GDPD4: variants seen among roughly 807,000 people sequenced by gnomAD.
GDPD4 encodes glycerophosphodiester phosphodiesterase 6.
GDPD4 carries 60 observed loss-of-function variants against 67.8 expected under a neutral mutation model. The ratio of observed to expected loss-of-function variants is 0.88; its 90% CI spans 0.72 to 1.10. The LOEUF is 1.10. Among genes scored for constraint, GDPD4 ranks in the 50% least tolerant of loss-of-function variants. The pLI is 0.00. For missense variants in GDPD4, 623 were observed against 613.9 expected (o/e 1.01, Z -0.16); for synonymous variants, 212 against 210.9 (o/e 1.00, Z -0.04).
At position 77,243,892 on chromosome 11, in the gene GDPD4, C is replaced by A. The variant is rs75071001; in HGVS notation, c.1087-44G>T. The A allele has an allele frequency of 4.9e-3, 7,338 of 1,488,090 alleles. 300 individuals are homozygous for A. The African/African-American group carries it at 0.088, about 18-fold the overall frequency. 92.2% of individuals were successfully genotyped at this position (1,488,090 alleles called of 1,614,324 possible). A position where few individuals can be genotyped will look rare whatever the true frequency, so the allele number is the denominator to read the frequency against. On this transcript the variant is annotated intron_variant, in intron 12 of 16. Coordinates refer to ENST00000315938, the MANE Select transcript of GDPD4 (RefSeq NM_182833.3). ...AGTCCCTCAGTAGATAATCAGCTAT[C>A]CAGGTACGAACAGCCCCATAGAGAA...
At position 77,241,272 on chromosome 11, in the gene GDPD4, C is replaced by T. The variant is rs940972101; in HGVS notation, c.1241+2422G>A. Among the ~76,000 whole-genome samples the T allele has an allele frequency of 2.0e-5, 3 of 152,112 alleles. No individual in the cohort carries two copies. The East Asian group carries it at 5.8e-4, about 29-fold the overall frequency. Reference sequence around the variant, plus strand: ...CTTTAAAAAGAAGGAAATTCTGTCACTTGTGAAAACATGGTTGAGCATGGG... The same window carrying T: ...CTTTAAAAAGAAGGAAATTCTGTCATTTGTGAAAACATGGTTGAGCATGGG... On this transcript the variant is annotated intron_variant, in intron 13 of 16. Coordinates refer to ENST00000315938, the MANE Select transcript of GDPD4 (RefSeq NM_182833.3).
At chr11:77,255,684 C>T (rs1221325696) in intron 11 of GDPD4, among the ~76,000 whole-genome samples, 2 of 151,922 alleles carry the variant, frequency 1.3e-5, no homozygotes, top group East Asian at 3.9e-4. Context: ...TATGGTGAAA[C>T]CCCATCTCTA....
intron 14 of GDPD4, among the ~76,000 whole-genome samples, chr11:77,230,682 A>G (rs1271516158): frequency 2.0e-5 from 3 of 152,200 alleles, no homozygotes; most frequent in Non-Finnish European, 4.4e-5. Context: ...ATATTTTAAA[A>G]TAAAATTTGT....
At chr11:77,295,627 T>C (rs117352905) in intron 1 of GDPD4, among the ~76,000 whole-genome samples, 1 of 152,178 alleles carries the variant, frequency 6.6e-6, no homozygotes, top group East Asian at 1.9e-4. Flanking sequence ...TGAGACCTTG[T>C]CTCTAAATGA....
intron 11 of GDPD4, among the ~76,000 whole-genome samples, chr11:77,255,512 C>T (rs1052562674): frequency 1.3e-5 from 2 of 151,928 alleles, no homozygotes; most frequent in Non-Finnish European, 2.9e-5. Flanking sequence ...TTCAGTGTGC[C>T]GAGATCATGC....
intron 13 of GDPD4, among the ~76,000 whole-genome samples, chr11:77,240,661 C>T (rs1958645219): frequency 6.6e-6 from 1 of 151,958 alleles, no homozygotes; most frequent in East Asian, 1.9e-4. Context: ...AAAGTGTCTG[C>T]ACAGCAAAGG....
chr11:77,248,203 T>C (rs1958817636), intron 11 of GDPD4, among the ~76,000 whole-genome samples: 1 of 151,482 alleles, frequency 6.6e-6, no homozygotes, highest in Admixed American at 6.6e-5. Flanking sequence ...CAATTTTCTT[T>C]TCTTTTTTTT....
intron 16 of GDPD4, among the ~76,000 whole-genome samples, chr11:77,225,330 T>C (rs555395549): frequency 3.3e-5 from 5 of 149,260 alleles, no homozygotes; most frequent in South Asian, 4.2e-4. Context: ...CAGTAACCTA[T>C]GGGATAATAT....
At chr11:77,276,305 G>T in intron 4 of GDPD4, 85 bp from the exon 5 acceptor site, 1 of 991,744 alleles carries the variant, frequency 1.0e-6, no homozygotes. Flanking sequence ...TCCAAATTCC[G>T]TTCACAGTCT....
intron 14 of GDPD4, among the ~76,000 whole-genome samples, chr11:77,230,608 G>A (rs1053628669): frequency 6.6e-6 from 1 of 152,220 alleles, no homozygotes; most frequent in Non-Finnish European, 1.5e-5. Flanking sequence ...ATGTTTAAAT[G>A]AGAGAACATA....
intron 16 of GDPD4, 73 bp from the exon 17 acceptor site, chr11:77,217,387 AGTTATCTCTTAAAT>A: frequency 8.3e-7 from 1 of 1,210,348 alleles, no homozygotes; most frequent in Non-Finnish European, 1.2e-6. Context: ...GTGAAATTCA[AGTTATCTCTTAAAT>A]GTTAGCCACT....
intron 5 of GDPD4, 46 bp from the exon 6 acceptor site, chr11:77,271,439 G>T: frequency 1.7e-6 from 2 of 1,145,100 alleles, no homozygotes; most frequent in East Asian, 2.4e-5. Flanking sequence ...CACTAGGCTT[G>T]GATCAGAACT....
At chr11:77,220,698 A>G (rs1958209408) in intron 16 of GDPD4, among the ~76,000 whole-genome samples, 1 of 152,162 alleles carries the variant, frequency 6.6e-6, no homozygotes, top group Non-Finnish European at 1.5e-5. Context: ...AGGCTTTGGT[A>G]TCAGGATGAT....
intron 1 of GDPD4, among the ~76,000 whole-genome samples, chr11:77,291,262 T>C (rs1937762892): frequency 2.6e-5 from 4 of 152,148 alleles, no homozygotes. Flanking sequence ...GTGAAATAAG[T>C]CAGGCACAAA....
chr11:77,225,241 C>T (rs1483810022), intron 16 of GDPD4, among the ~76,000 whole-genome samples: 2 of 150,794 alleles, frequency 1.3e-5, no homozygotes, highest in East Asian at 3.9e-4. Context: ...GTGGAGGCTG[C>T]AGTGAGCTGA....
At chr11:77,239,918 T>C (rs1185346541) in intron 13 of GDPD4, among the ~76,000 whole-genome samples, 3 of 149,750 alleles carry the variant, frequency 2.0e-5, no homozygotes, top group African/African-American at 7.4e-5. Flanking sequence ...GCAGAGATTG[T>C]GCCACTGCAC....
Position 77,295,463 on chromosome 11 carries a change from C to T in GDPD4, c.-254+6142G>A, listed in dbSNP as rs535616945. Among the ~76,000 whole-genome samples, 90 of 151,962 alleles carry T rather than the reference C, an allele frequency of 5.9e-4. No individual in the cohort carries two copies. In the Middle Eastern group the frequency reaches 0.01, roughly 17 times the overall value. On this transcript the variant is annotated intron_variant, in intron 1 of 16. Transcript: ENST00000315938. ...CCTGGGCAACATAGTGGGAGCCCAT[C>T]TCTACAGAAAATACAAAAATTAGAC...
intron 5 of GDPD4, among the ~76,000 whole-genome samples, chr11:77,273,124 T>C (rs1959294938): frequency 1.3e-5 from 2 of 152,224 alleles, no homozygotes; most frequent in South Asian, 4.1e-4. Context: ...ACATTTCGTG[T>C]GTTTACCAGG....
intron 13 of GDPD4, among the ~76,000 whole-genome samples, chr11:77,237,969 A>T (rs1958596162): frequency 6.6e-6 from 1 of 152,198 alleles, no homozygotes; most frequent in African/African-American, 2.4e-5. Context: ...TTACATTAGA[A>T]AGAAGATCTA....
Sources: gnomAD v4.1 joint callset for allele counts (sites outside exome capture counted in the v4.1 genomes callset) on GRCh38, gnomAD v4.1.1 for gene constraint, MANE v1.5 for transcripts, NCBI Gene and HGNC (gene_info 2026-07-23, HGNC 2026-07-21) for gene names.